CCDC7: variants seen among roughly 807,000 people sequenced by gnomAD.
The protein encoded by CCDC7 is coiled-coil domain-containing protein 7.
Under a neutral mutation model 196.9 loss-of-function variants are expected in CCDC7, and 183 were observed. The ratio of observed to expected loss-of-function variants is 0.93; its 90% CI spans 0.82 to 1.05. CCDC7 has a LOEUF of 1.05. Ranked by LOEUF, CCDC7 falls within the 50% of genes least tolerant of loss-of-function variation. The pLI is 0.00. For missense variants in CCDC7, 1,540 were observed against 1,482.2 expected (o/e 1.04, Z -0.64); for synonymous variants, 525 against 484.6 (o/e 1.08, Z -1.10).
chr10:32,859,382 CAG>C (rs1420661060), intron 41 of CCDC7, among the ~76,000 whole-genome samples: 5 of 152,102 alleles, frequency 3.3e-5, no homozygotes, highest in Non-Finnish European at 2.9e-5. Flanking sequence ...AGAACAAAGA[CAG>C]AGCATATCAG....
chr10:32,481,531 C>G (rs538852847), intron 8 of CCDC7, among the ~76,000 whole-genome samples: 86 of 151,992 alleles, frequency 5.7e-4, no homozygotes, highest in African/African-American at 1.8e-3. Context: ...GTTTTTTACC[C>G]TTTATTCTGT....
Position 32,452,283 on chromosome 10 carries a change from A to G in CCDC7, c.279+362A>G, listed in dbSNP as rs538991103. Among the ~76,000 whole-genome samples, 9 of 152,350 alleles carry G rather than the reference A, an allele frequency of 5.9e-5. No homozygotes were observed. In the South Asian group the frequency reaches 1.9e-3, roughly 32 times the overall value. ...AGACTCTCACAAGGAAAGGAGGTTCAGTATAAACAATGTTATACAAACAGT... is the reference window on the plus strand; with the variant it reads ...AGACTCTCACAAGGAAAGGAGGTTCGGTATAAACAATGTTATACAAACAGT... On this transcript the variant is annotated intron_variant, in intron 1 of 41. Transcript: ENST00000639629.
intron 37 of CCDC7, among the ~76,000 whole-genome samples, chr10:32,847,177 T>C (rs1468689726): frequency 6.6e-6 from 1 of 152,124 alleles, no homozygotes; most frequent in East Asian, 1.9e-4. Flanking sequence ...CAAGAGACTT[T>C]AGTACAATAG....
exon 17 of CCDC7, chr10:32,583,100 A>G (rs1370687088): frequency 8.1e-7 from 1 of 1,231,264 alleles, no homozygotes; most frequent in Non-Finnish European, 1.0e-6. Flanking sequence ...CTCAAGATGA[A>G]TCAGCATTTT....
intron 23 of CCDC7, among the ~76,000 whole-genome samples, chr10:32,691,915 T>C (rs932166433): frequency 3.9e-5 from 6 of 152,222 alleles, no homozygotes; most frequent in African/African-American, 1.2e-4. Context: ...TTCAGATGTT[T>C]ACATCATTCG....
intron 18 of CCDC7, among the ~76,000 whole-genome samples, chr10:32,624,794 A>G (rs1240939775): frequency 1.3e-5 from 2 of 151,978 alleles, no homozygotes; most frequent in Non-Finnish European, 2.9e-5. Context: ...GGCCATTTGT[A>G]TGTCTACTTT....
chr10:32,799,749 A>C (rs766984968), intron 29 of CCDC7, among the ~76,000 whole-genome samples: 6 of 152,226 alleles, frequency 3.9e-5, no homozygotes, highest in Non-Finnish European at 7.4e-5. Context: ...CAATAAGTCC[A>C]GTGTGTTTGC....
chr10:32,789,817 T>C (rs1161465498), intron 29 of CCDC7, among the ~76,000 whole-genome samples: 2 of 152,210 alleles, frequency 1.3e-5, no homozygotes, highest in Admixed American at 6.5e-5. Flanking sequence ...GCCCCCTTTG[T>C]GCTTCCAAAA....
intron 12 of CCDC7, 77 bp downstream of exon 13, chr10:32,543,462 C>T (rs2051856884): frequency 8.8e-7 from 1 of 1,142,496 alleles, no homozygotes; most frequent in Non-Finnish European, 1.1e-6. Context: ...AATTTAAAGT[C>T]AAATAAACAT....
chr10:32,467,061 C>T (rs1393942353), intron 5 of CCDC7, among the ~76,000 whole-genome samples: 2 of 150,666 alleles, frequency 1.3e-5, no homozygotes, highest in African/African-American at 2.4e-5. Flanking sequence ...TTGTTGGCCC[C>T]GTGTATGTCT....
chr10:32,671,858 A>G (rs1831582914), intron 21 of CCDC7, among the ~76,000 whole-genome samples: 2 of 152,122 alleles, frequency 1.3e-5, no homozygotes, highest in Admixed American at 1.3e-4. Context: ...GTGATGACAA[A>G]GATTTCGAGG....
intron 32 of CCDC7, among the ~76,000 whole-genome samples, chr10:32,827,381 G>A (rs2091282969): frequency 6.6e-6 from 1 of 152,146 alleles, no homozygotes; most frequent in Non-Finnish European, 1.5e-5. Flanking sequence ...TTCCATCATG[G>A]GAAGGGCAGA....
intron 28 of CCDC7, among the ~76,000 whole-genome samples, chr10:32,755,351 C>A (rs1450289578): frequency 6.6e-6 from 1 of 152,192 alleles, no homozygotes; most frequent in Non-Finnish European, 1.5e-5. Context: ...AGTAGCCTAA[C>A]TGGGAGATAC....
At chr10:32,701,498 C>T (rs1481394083) in intron 24 of CCDC7, among the ~76,000 whole-genome samples, 1 of 152,114 alleles carries the variant, frequency 6.6e-6, no homozygotes, top group African/African-American at 2.4e-5. Flanking sequence ...TGTGTGTCTG[C>T]CAGGCTTTGG....
chr10:32,721,156 A>T (rs2082360578), intron 25 of CCDC7, among the ~76,000 whole-genome samples: 1 of 152,182 alleles, frequency 6.6e-6, no homozygotes, highest in Non-Finnish European at 1.5e-5. Flanking sequence ...AGATAACTTA[A>T]AAAATAGCCC....
chr10:32,511,861 T>A, intron 9 of CCDC7: 1 of 643,458 alleles, frequency 1.6e-6, no homozygotes, highest in Non-Finnish European at 2.8e-6. Context: ...CTCACCAATG[T>A]ATAGCTTTTT....
intron 18 of CCDC7, among the ~76,000 whole-genome samples, chr10:32,597,850 A>C (rs750102821): frequency 9.2e-5 from 14 of 152,106 alleles, no homozygotes; most frequent in Admixed American, 2.0e-4. Flanking sequence ...TTGCTGCGTA[A>C]TCCTTCCTCT....
At chr10:32,562,023 C>T (rs189260440) in intron 13 of CCDC7, among the ~76,000 whole-genome samples, 5 of 152,278 alleles carry the variant, frequency 3.3e-5, no homozygotes, top group South Asian at 2.1e-4. Flanking sequence ...CTACAAACAC[C>T]TCTCCGCAAA....
exon 29 of CCDC7, chr10:32,778,993 C>T: frequency 6.5e-7 from 1 of 1,549,496 alleles, no homozygotes; most frequent in Non-Finnish European, 8.7e-7. Flanking sequence ...ATGAAGCAGC[C>T]TCAGAACTTC....
Sources: gnomAD v4.1 joint callset for allele counts (sites outside exome capture counted in the v4.1 genomes callset) on GRCh38, gnomAD v4.1.1 for gene constraint, MANE v1.5 for transcripts, NCBI Gene and HGNC (gene_info 2026-07-23, HGNC 2026-07-21) for gene names.